TFB1M: variants seen among roughly 807,000 people sequenced by gnomAD.
TFB1M encodes dimethyladenosine transferase 1, mitochondrial.
A neutral mutation model predicts 31.1 loss-of-function variants in TFB1M; 27 were observed. That is an observed-to-expected ratio of 0.87 (90% CI 0.64 to 1.20). The LOEUF (loss-of-function observed/expected upper bound fraction) is 1.20. Ranked by LOEUF, TFB1M falls within the 50% of genes most tolerant of loss-of-function variation. The probability of loss-of-function intolerance (pLI) is 0.00; values close to 1 mark genes in which losing one functional copy is unlikely to be tolerated. For missense variants in TFB1M, 394 were observed against 418.7 expected (o/e 0.94, Z 0.51); for synonymous variants, 166 against 151.8 (o/e 1.09, Z -0.69).
intron 2 of TFB1M, among the ~76,000 whole-genome samples, chr6:155,306,558 C>G (rs1461861015): frequency 3.9e-5 from 6 of 152,098 alleles, no homozygotes; most frequent in Admixed American, 3.9e-4. Flanking sequence ...GAGCAAACTA[C>G]TGATAAACAC....
the TFB1M span, among the ~76,000 whole-genome samples, chr6:155,242,457 G>T: frequency 6.6e-6 from 1 of 152,180 alleles, no homozygotes; most frequent in Non-Finnish European, 1.5e-5. Context: ...GAGCGGTCTG[G>T]CGTGGAATAT....
At chr6:155,273,835 T>C (rs1235758316) in intron 5 of TFB1M, among the ~76,000 whole-genome samples, 2 of 152,164 alleles carry the variant, frequency 1.3e-5, no homozygotes, top group Admixed American at 1.3e-4. Context: ...ATGCTTGAGA[T>C]TGTCTGTCTG....
At chr6:155,238,768 G>A in the TFB1M span, among the ~76,000 whole-genome samples, 1 of 152,210 alleles carries the variant, frequency 6.6e-6, no homozygotes, top group Non-Finnish European at 1.5e-5. Context: ...ATTCCAGATT[G>A]CCTTAGGCTA....
chr6:155,260,616 C>G (rs541009405), intron 5 of TFB1M: 2 of 623,966 alleles, frequency 3.2e-6, no homozygotes, highest in East Asian at 2.9e-5. Context: ...CACCTGTTCT[C>G]TAATGACATC....
chr6:155,268,170 C>T (rs1345531087), intron 5 of TFB1M, among the ~76,000 whole-genome samples: 2 of 152,136 alleles, frequency 1.3e-5, no homozygotes, highest in Admixed American at 6.5e-5. Context: ...TAATCGCTCC[C>T]ATTACCACAG....
chr6:155,269,420 C>G (rs1769804031), intron 5 of TFB1M, among the ~76,000 whole-genome samples: 1 of 147,594 alleles, frequency 6.8e-6, no homozygotes, highest in South Asian at 2.2e-4. Context: ...CTGCTGGGTT[C>G]AAGCGATTCT....
chr6:155,309,980 T>C (rs979955550), intron 2 of TFB1M, among the ~76,000 whole-genome samples: 8 of 152,170 alleles, frequency 5.3e-5, no homozygotes, highest in African/African-American at 1.9e-4. Flanking sequence ...GGAAATATTA[T>C]GTAATTTTTT....
chr6:155,231,498 C>T, the TFB1M span, among the ~76,000 whole-genome samples: 1 of 152,180 alleles, frequency 6.6e-6, no homozygotes, highest in Non-Finnish European at 1.5e-5. Context: ...CATCTTGAAC[C>T]TGTTTTTTAA....
the TFB1M span, chr6:155,244,939 G>A: frequency 2.0e-6 from 2 of 983,422 alleles, no homozygotes; most frequent in South Asian, 2.6e-5. Context: ...CCTCTGTCAG[G>A]TGGTAAAGGA....
At chr6:155,233,771 C>A in the TFB1M span, among the ~76,000 whole-genome samples, 1 of 152,050 alleles carries the variant, frequency 6.6e-6, no homozygotes, top group African/African-American at 2.4e-5. Flanking sequence ...CCAGCCTGGG[C>A]AACATAGTGA....
chr6:155,300,274 A>G (rs1419498955), intron 2 of TFB1M, among the ~76,000 whole-genome samples: 5 of 152,212 alleles, frequency 3.3e-5, no homozygotes, highest in African/African-American at 4.8e-5. Context: ...ATCTAGTTTG[A>G]TATGTTTAGC....
At position 155,311,238 on chromosome 6, in the gene TFB1M, C is replaced by T. The variant is rs1365246773; in HGVS notation, c.235G>A (p.Ala79Thr). ...TCCTTTTCAACCACCAGAAGTTCAG[C>T]GACGTCGGCATTAAGAATAGATCTT... is the stretch of plus-strand genomic sequence containing the variant. ...ITRSILNADV[A>T]ELLVVEKDTR... The change falls in exon 2 of 7, where the codon GCT becomes ACT. Residue 79 changes from alanine (A) to threonine (T), a missense_variant. Ala to Thr is a moderately conservative substitution (Grantham distance 58). Around this residue, in one of 3 missense-constraint regions of TFB1M, gnomAD observed 273 missense variants for 256.4 expected, o/e 1.06. Transcript: ENST00000367166. 9.9e-6 allele frequency: 16 copies of T among 1,613,918 alleles called. No individual in the cohort carries two copies. The highest frequency in any genetic ancestry group is 2.2e-5 in the East Asian group (1 of 44,886).
At chr6:155,274,319 T>C (rs181985959) in intron 5 of TFB1M, among the ~76,000 whole-genome samples, 4 of 152,352 alleles carry the variant, frequency 2.6e-5, no homozygotes, top group Non-Finnish European at 2.9e-5. Flanking sequence ...ATGGGCTAGA[T>C]AGGGGAACAG....
At chr6:155,285,322 C>A (rs377591551) in intron 4 of TFB1M, 45 bp from the exon 5 acceptor site, 7 of 1,610,314 alleles carry the variant, frequency 4.3e-6, no homozygotes, top group Non-Finnish European at 5.9e-6. Flanking sequence ...TTAGTCCAGC[C>A]TGATTAGATG....
At chr6:155,260,435 CATG>C in intron 5 of TFB1M, 35 bp from the exon 6 acceptor site, 1 of 1,613,680 alleles carries the variant, frequency 6.2e-7, no homozygotes, top group Admixed American at 1.7e-5. Flanking sequence ...CATTCTGTGG[CATG>C]ATATGTGGCA....
the TFB1M span, among the ~76,000 whole-genome samples, chr6:155,233,455 G>A: frequency 1.3e-5 from 2 of 152,126 alleles, no homozygotes; most frequent in Admixed American, 1.3e-4. Context: ...GGGTCTGGGC[G>A]AGCTGCTTGA....
At chr6:155,240,508 TC>T in the TFB1M span, 2 of 1,587,816 alleles carry the variant, frequency 1.3e-6, no homozygotes, top group South Asian at 1.1e-5. Context: ...TGCATTATTT[TC>T]CACCTCTTGT....
chr6:155,258,696 G>GAGTT (rs1461748346), intron 6 of TFB1M, among the ~76,000 whole-genome samples: 28 of 152,182 alleles, frequency 1.8e-4, no homozygotes, highest in Admixed American at 1.1e-3. Context: ...AAATGCTGCG[G>GAGTT]AGTTAGGCCT....
At chr6:155,280,219 A>G (rs1322906912) in intron 5 of TFB1M, among the ~76,000 whole-genome samples, 2 of 152,100 alleles carry the variant, frequency 1.3e-5, no homozygotes, top group Non-Finnish European at 2.9e-5. Flanking sequence ...ACTGGTAGGA[A>G]GCTAGACAGG....
Sources: gnomAD v4.1 joint callset for allele counts (sites outside exome capture counted in the v4.1 genomes callset) on GRCh38, gnomAD v4.1.1 for gene constraint, gnomAD v4.1.1 regional missense constraint, MANE v1.5 for transcripts, NCBI Gene and HGNC (gene_info 2026-07-23, HGNC 2026-07-21) for gene names.